Variants in ASAP1 observed in about 807,000 individuals in gnomAD.
ASAP1 encodes the protein ArfGAP with SH3 domain, ankyrin repeat and PH domain 1, also known as arf-GAP with SH3 domain, ANK repeat and PH domain-containing protein 1.
ASAP1 carries 43 observed loss-of-function variants against 145.2 expected under a neutral mutation model. The observed-to-expected ratio is 0.30, with a 90% CI of 0.23 to 0.38. The LOEUF (loss-of-function observed/expected upper bound fraction) is 0.38, where lower values mean the gene tolerates loss of function less well. ASAP1 is among the 10% of genes least tolerant of loss of function. ASAP1 has a pLI of 1.00. For synonymous variants in ASAP1, 546 were observed against 515.5 expected (o/e 1.06, Z -0.80); for missense variants, 1,018 against 1,355.3 (o/e 0.75, Z 3.91).
chr8:130,072,044 C>G (rs561327744), intron 27 of ASAP1, among the ~76,000 whole-genome samples: 51 of 152,170 alleles, frequency 3.4e-4, no homozygotes, highest in Non-Finnish European at 6.6e-4. Flanking sequence ...AGGCAGGACT[C>G]TATTCCGATT....
chr8:130,066,429 T>C (rs539094290), intron 27 of ASAP1, among the ~76,000 whole-genome samples: 18 of 152,290 alleles, frequency 1.2e-4, no homozygotes, highest in African/African-American at 4.3e-4. Context: ...CAGGCTGGTC[T>C]TGAACTCCTG....
At chr8:130,344,139 C>T (rs573842801) in intron 3 of ASAP1, among the ~76,000 whole-genome samples, 16 of 152,168 alleles carry the variant, frequency 1.1e-4, no homozygotes, top group African/African-American at 3.6e-4. Flanking sequence ...TGGGAAACTA[C>T]GGGATAAACC....
intron 3 of ASAP1, among the ~76,000 whole-genome samples, chr8:130,319,322 A>T (rs1386684507): frequency 6.6e-6 from 1 of 152,272 alleles, no homozygotes; most frequent in Non-Finnish European, 1.5e-5. Flanking sequence ...AAATAAAAAA[A>T]GGAATAAAAG....
At chr8:130,270,924 C>T (rs1340578292) in intron 3 of ASAP1, among the ~76,000 whole-genome samples, 1 of 152,158 alleles carries the variant, frequency 6.6e-6, no homozygotes, top group Admixed American at 6.5e-5. Context: ...AGAAGTAGTT[C>T]ACCCTACAGT....
At chr8:130,420,762 T>G (rs916898228) in intron 1 of ASAP1, among the ~76,000 whole-genome samples, 2 of 151,856 alleles carry the variant, frequency 1.3e-5, no homozygotes, top group Non-Finnish European at 2.9e-5. Context: ...GGCGTAGTGG[T>G]GCACACCTGT....
chr8:130,313,639 CA>C (rs1297992057), intron 3 of ASAP1, among the ~76,000 whole-genome samples: 1 of 152,182 alleles, frequency 6.6e-6, no homozygotes, highest in Non-Finnish European at 1.5e-5. Flanking sequence ...CACAGAAAAG[CA>C]GACGTTTCAG....
chr8:130,055,336 C>T (rs1275138901), intron 29 of ASAP1, among the ~76,000 whole-genome samples: 1 of 150,640 alleles, frequency 6.6e-6, no homozygotes, highest in Admixed American at 6.6e-5. Flanking sequence ...GCTGCTATGG[C>T]ACCTGGCCAA....
intron 11 of ASAP1, 110 bp downstream of exon 11, chr8:130,167,426 T>G: frequency 1.1e-6 from 1 of 888,806 alleles, no homozygotes; most frequent in African/African-American, 1.6e-5. Context: ...AGGTACATAC[T>G]TGCATATTAT....
chr8:130,082,123 G>C (rs530056791), intron 25 of ASAP1, among the ~76,000 whole-genome samples: 2 of 152,248 alleles, frequency 1.3e-5, no homozygotes, highest in East Asian at 1.9e-4. Flanking sequence ...GGCTGGCAGG[G>C]TGCTCACCTC....
intron 3 of ASAP1, among the ~76,000 whole-genome samples, chr8:130,256,739 T>TTATATATATATA (rs58245112): frequency 7.8e-4 from 75 of 95,874 alleles, no homozygotes; most frequent in African/African-American, 1.1e-3. Context: ...ATACACATTC[T>TTATATATATATA]TATATATATA....
At position 130,052,729 on chromosome 8, in the gene ASAP1, G is replaced by GTT. The variant is rs1163604833; in HGVS notation, c.*2000_*2001dup. 1 of 123,466 alleles carries GTT rather than the reference G, an allele frequency of 8.1e-6. No individual in the cohort carries two copies. The highest frequency in any genetic ancestry group is 1.8e-5 in the Non-Finnish European group (1 of 54,612). The allele number at this position is 123,466 out of a possible 1,614,324, so 7.6% of individuals were successfully genotyped here. ...CATGCAGCTTTTGTGTTTTTTTTTT[G>GTT]TTTTTGTTTTTTTTTTTTTTTTGAA... On this transcript the variant is annotated 3_prime_UTR_variant, in exon 30 of 30. Transcript: ENST00000518721.
At chr8:130,436,828 G>A (rs1830328234) in intron 1 of ASAP1, among the ~76,000 whole-genome samples, 1 of 151,796 alleles carries the variant, frequency 6.6e-6, no homozygotes, top group Non-Finnish European at 1.5e-5. Flanking sequence ...TAAAAAATTA[G>A]GCTGGGAGTG....
In ASAP1 at chr8:130,179,369, T is replaced by A; in HGVS notation, c.661-20A>T. The stretch of plus-strand genomic sequence containing the variant: ...GAGATACTGTGAAAATAAAACAGGG[T>A]TTTGCGTTGATTAATTCCAGATGGG... On this transcript the variant is annotated intron_variant, in intron 8 of 29. Transcript: ENST00000518721. 1 of 1,510,014 alleles carries A rather than the reference T, an allele frequency of 6.6e-7. No individual in the cohort carries two copies. The highest frequency in any genetic ancestry group is 2.3e-5 in the East Asian group (1 of 44,264). The allele number at this position is 1,510,014 out of a possible 1,614,324, so 93.5% of individuals were successfully genotyped here. A position where few individuals can be genotyped will look rare whatever the true frequency, so the allele number is the denominator to read the frequency against.
At chr8:130,151,061 T>C (rs1002763873) in intron 13 of ASAP1, among the ~76,000 whole-genome samples, 2 of 151,972 alleles carry the variant, frequency 1.3e-5, no homozygotes, top group African/African-American at 4.8e-5. Context: ...CATGGCAGAA[T>C]GGAAGCTTAA....
chr8:130,253,682 T>C (rs1012774691), intron 3 of ASAP1, among the ~76,000 whole-genome samples: 11 of 152,194 alleles, frequency 7.2e-5, no homozygotes, highest in African/African-American at 2.4e-4. Context: ...GGTATGTATG[T>C]ACATGTATAT....
intron 2 of ASAP1, among the ~76,000 whole-genome samples, chr8:130,384,683 T>C (rs1182115197): frequency 6.6e-6 from 1 of 152,014 alleles, no homozygotes; most frequent in Admixed American, 6.5e-5. Context: ...GGTTTCACCA[T>C]GTTGCCCAGG....
chr8:130,246,673 C>T (rs1365399081), intron 3 of ASAP1, among the ~76,000 whole-genome samples: 2 of 152,136 alleles, frequency 1.3e-5, no homozygotes, highest in African/African-American at 2.4e-5. Flanking sequence ...ATAAATTACC[C>T]AATATCAGGT....
At chr8:130,380,970 G>A (rs559094676) in intron 2 of ASAP1, among the ~76,000 whole-genome samples, 4 of 152,132 alleles carry the variant, frequency 2.6e-5, no homozygotes, top group East Asian at 3.9e-4. Context: ...CTGAAACCTC[G>A]CCTCCCGGGT....
intron 25 of ASAP1, among the ~76,000 whole-genome samples, chr8:130,086,546 G>A (rs1398995767): frequency 6.6e-6 from 1 of 152,184 alleles, no homozygotes; most frequent in Non-Finnish European, 1.5e-5. Flanking sequence ...GCTCATGCCG[G>A]TAGTCTCCAG....
Sources: allele counts gnomAD v4.1 joint callset (sites outside exome capture counted in the v4.1 genomes callset), GRCh38; gene constraint gnomAD v4.1.1; transcripts MANE v1.5; gene names NCBI Gene and HGNC (gene_info 2026-07-23, HGNC 2026-07-21).